Variants in TBC1D22A observed in about 807,000 individuals in gnomAD.
TBC1D22A encodes putative GTPase activator.
TBC1D22A carries 38 observed loss-of-function variants against 60.2 expected under a neutral mutation model. That is an observed-to-expected ratio of 0.63 (90% CI 0.49 to 0.83). The LOEUF (loss-of-function observed/expected upper bound fraction) is 0.83. Among genes scored for constraint, TBC1D22A ranks in the 40% least tolerant of loss-of-function variants. The pLI is 0.00. For missense variants in TBC1D22A, 628 were observed against 701.0 expected, an observed-to-expected ratio of 0.90 and a Z score of 1.18; for synonymous variants, 302 against 281.7, an observed-to-expected ratio of 1.07 and a Z score of -0.72.
chr22:47,138,322 G>A (rs887507822), intron 12 of TBC1D22A, among the ~76,000 whole-genome samples: 4 of 152,338 alleles, frequency 2.6e-5, no homozygotes, highest in Non-Finnish European at 5.9e-5. Flanking sequence ...TGGGGGACAG[G>A]GAGGACCGTG....
intron 10 of TBC1D22A, among the ~76,000 whole-genome samples, chr22:47,021,831 G>C (rs115372108): frequency 6.6e-6 from 1 of 152,194 alleles, no homozygotes; most frequent in South Asian, 2.1e-4. Context: ...CCAGTGCTGG[G>C]GTTCAGGGCC....
chr22:46,814,777 C>G (rs996462782), intron 4 of TBC1D22A, among the ~76,000 whole-genome samples: 1 of 151,556 alleles, frequency 6.6e-6, no homozygotes, highest in Non-Finnish European at 1.5e-5. Flanking sequence ...TCCCGAGTAG[C>G]TGGGGTTACA....
chr22:46,907,595 GTCCTCGCCTCCACCA>G (rs927309848), intron 7 of TBC1D22A, among the ~76,000 whole-genome samples: 7 of 152,092 alleles, frequency 4.6e-5, no homozygotes, highest in South Asian at 2.1e-4. Flanking sequence ...CGCCTCCACC[GTCCTCGCCTCCACCA>G]TCCTCGCCTC....
chr22:46,941,858 T>C (rs189118751), intron 8 of TBC1D22A, among the ~76,000 whole-genome samples: 11 of 138,842 alleles, frequency 7.9e-5, no homozygotes, highest in Admixed American at 2.3e-4. Flanking sequence ...ATAGAATATG[T>C]ATAGAATATA....
intron 8 of TBC1D22A, among the ~76,000 whole-genome samples, chr22:46,960,274 T>G (rs2073423828): frequency 6.6e-6 from 1 of 152,172 alleles, no homozygotes; most frequent in Admixed American, 6.5e-5. Context: ...ATCTTTTTTT[T>G]TTTTGAGACG....
At chr22:47,100,900 G>A (rs775202345) in intron 11 of TBC1D22A, among the ~76,000 whole-genome samples, 1 of 152,174 alleles carries the variant, frequency 6.6e-6, no homozygotes, top group Non-Finnish European at 1.5e-5. Flanking sequence ...CAGAGGGATC[G>A]CTTGGTCTCT....
intron 12 of TBC1D22A, among the ~76,000 whole-genome samples, chr22:47,156,844 A>C (rs936346581): frequency 1.6e-4 from 25 of 152,186 alleles, no homozygotes; most frequent in African/African-American, 5.3e-4. Context: ...CGACCACCCG[A>C]TGCTCAGCAG....
intron 4 of TBC1D22A, among the ~76,000 whole-genome samples, chr22:46,804,282 C>T (rs188644608): frequency 6.6e-6 from 1 of 152,190 alleles, no homozygotes; most frequent in East Asian, 1.9e-4. Flanking sequence ...CTCATTTTGT[C>T]ACTAAAGGGT....
intron 4 of TBC1D22A, among the ~76,000 whole-genome samples, chr22:46,800,944 G>A (rs1167327280): frequency 7.9e-5 from 12 of 152,174 alleles, no homozygotes. Flanking sequence ...CCTGTGCTGG[G>A]TCAGGCTCTG....
chr22:46,905,264 A>G (rs1424435180), intron 7 of TBC1D22A, among the ~76,000 whole-genome samples: 1 of 152,222 alleles, frequency 6.6e-6, no homozygotes, highest in African/African-American at 2.4e-5. Context: ...CAAAAGATAA[A>G]AAGGAATGAG....
intron 11 of TBC1D22A, among the ~76,000 whole-genome samples, chr22:47,067,214 C>T (rs916705081): frequency 1.3e-5 from 2 of 152,114 alleles, no homozygotes; most frequent in Admixed American, 6.5e-5. Context: ...TGCAGTGAGC[C>T]GAGATGGTGC....
intron 12 of TBC1D22A, among the ~76,000 whole-genome samples, chr22:47,127,229 CTTT>C (rs66495419): frequency 7.6e-5 from 8 of 105,494 alleles, no homozygotes; most frequent in Non-Finnish European, 1.4e-4. Flanking sequence ...TTCTTTTTCT[CTTT>C]TTTTTTTTTT....
rs749934240 is a variant in TBC1D22A, at chr22:47,037,060, G to T, written c.1202-11G>T. On this transcript the variant is annotated splice_polypyrimidine_tract_variant and intron_variant, in intron 10 of 12. Coordinates refer to ENST00000337137, the MANE Select transcript of TBC1D22A (RefSeq NM_014346.5). Reference sequence around the variant, plus strand: ...CCTGACAGCCTTGGGGCCTGTGTTTGTTTTGTGCAGAGCAAGTGCACCGGC... The same window carrying T: ...CCTGACAGCCTTGGGGCCTGTGTTTTTTTTGTGCAGAGCAAGTGCACCGGC... The T allele has an allele frequency of 6.2e-7, 1 of 1,613,120 alleles. No homozygotes were observed.
chr22:47,169,663 C>T (rs6008055), intron 12 of TBC1D22A, among the ~76,000 whole-genome samples: 30,838 of 152,086 alleles, frequency 0.2, 3,976 homozygotes, highest in African/African-American at 0.37. Flanking sequence ...GTGCACTCCA[C>T]GCTGCCCTCT....
intron 10 of TBC1D22A, among the ~76,000 whole-genome samples, chr22:47,020,020 C>T (rs914305810): frequency 1.3e-4 from 20 of 150,062 alleles, no homozygotes; most frequent in African/African-American, 4.1e-4. Context: ...CATCCTTCCC[C>T]GCTGCCTTGA....
At chr22:47,092,145 T>C (rs953046187) in intron 11 of TBC1D22A, among the ~76,000 whole-genome samples, 4 of 152,158 alleles carry the variant, frequency 2.6e-5, no homozygotes, top group Admixed American at 1.3e-4. Context: ...GAGGGCACGC[T>C]GTGTACCTGT....
At chr22:46,808,858 T>G (rs2085263634) in intron 4 of TBC1D22A, among the ~76,000 whole-genome samples, 1 of 152,224 alleles carries the variant, frequency 6.6e-6, no homozygotes, top group Non-Finnish European at 1.5e-5. Flanking sequence ...CCTTCCAAAG[T>G]GCTGGGATTA....
intron 12 of TBC1D22A, among the ~76,000 whole-genome samples, chr22:47,122,087 C>T (rs2066291445): frequency 6.6e-6 from 1 of 152,216 alleles, no homozygotes; most frequent in African/African-American, 2.4e-5. Flanking sequence ...GTGCCCTGCT[C>T]GTCTGGTGGA....
chr22:46,941,409 TATATACGGA>T lies in TBC1D22A; in HGVS notation c.1015+29228_1015+29236del, dbSNP rs1436475211. On this transcript the variant is annotated intron_variant, in intron 8 of 12. Transcript: ENST00000337137. ...ATACGGAATATATATACACAGAATA[TATATACGGA>T]ATATACACGGAATATATATACACGG... Among the ~76,000 whole-genome samples, 28 of 110,640 alleles carry T rather than the reference TATATACGGA, an allele frequency of 2.5e-4. 2 individuals are homozygous for T. The highest frequency in any genetic ancestry group is 1.1e-3 in the African/African-American group (28 of 24,560). 72.6% of individuals were successfully genotyped at this position (110,640 alleles called of 152,430 possible). A position where few individuals can be genotyped will look rare whatever the true frequency, so the allele number is the denominator to read the frequency against.
Sources: gnomAD v4.1 joint callset for allele counts (sites outside exome capture counted in the v4.1 genomes callset) on GRCh38, gnomAD v4.1.1 for gene constraint, MANE v1.5 for transcripts, NCBI Gene and HGNC (gene_info 2026-07-23, HGNC 2026-07-21) for gene names.